The following WDFY2 variants were observed in gnomAD, a reference collection of about 807,000 sequenced individuals.
The protein encoded by WDFY2 is WD repeat and FYVE domain-containing protein 2.
Under a neutral mutation model 56.4 loss-of-function variants are expected in WDFY2, and 36 were observed. The ratio of observed to expected loss-of-function variants is 0.64; its 90% CI spans 0.49 to 0.84. WDFY2 has a LOEUF of 0.84. WDFY2 is among the 40% of genes least tolerant of loss of function. WDFY2 has a pLI of 0.00. For missense variants in WDFY2, 444 were observed against 512.2 expected (o/e 0.87, Z 1.29); for synonymous variants, 176 against 183.7 (o/e 0.96, Z 0.34).
chr13:51,602,253 G>C (rs970887098), intron 1 of WDFY2, among the ~76,000 whole-genome samples: 3 of 152,210 alleles, frequency 2.0e-5, no homozygotes, highest in Non-Finnish European at 4.4e-5. Flanking sequence ...TAGTGACATT[G>C]TAGCCATCTT....
intron 6 of WDFY2, among the ~76,000 whole-genome samples, chr13:51,736,644 C>T (rs1176694646): frequency 6.6e-6 from 1 of 152,198 alleles, no homozygotes; most frequent in Non-Finnish European, 1.5e-5. Flanking sequence ...AGGTGCGCGC[C>T]ACCACGCCCA....
At chr13:51,699,234 G>A (rs1002936116) in intron 3 of WDFY2, among the ~76,000 whole-genome samples, 1 of 152,218 alleles carries the variant, frequency 6.6e-6, no homozygotes, top group Non-Finnish European at 1.5e-5. Context: ...GTGGAGCTAT[G>A]ATTAAAATGC....
intron 1 of WDFY2, among the ~76,000 whole-genome samples, chr13:51,627,626 C>A (rs764278829): frequency 6.6e-6 from 1 of 152,056 alleles, no homozygotes; most frequent in Non-Finnish European, 1.5e-5. Context: ...TCAGGTGGTC[C>A]GCCCGCTTTG....
chr13:51,610,361 G>A (rs1004166105), intron 1 of WDFY2, among the ~76,000 whole-genome samples: 13 of 151,300 alleles, frequency 8.6e-5, no homozygotes, highest in South Asian at 2.1e-4. Flanking sequence ...AAAGTTTAAA[G>A]GAATAGTAAT....
chr13:51,605,161 G>A (rs991767257), intron 1 of WDFY2, among the ~76,000 whole-genome samples: 3 of 152,230 alleles, frequency 2.0e-5, no homozygotes, highest in Non-Finnish European at 4.4e-5. Flanking sequence ...AGAGATGGGT[G>A]CTCACTGTGT....
chr13:51,599,005 T>C (rs1366795554), intron 1 of WDFY2, among the ~76,000 whole-genome samples: 1 of 149,894 alleles, frequency 6.7e-6, no homozygotes, highest in Non-Finnish European at 1.5e-5. Context: ...GCCTTCCAGG[T>C]TCAAGCGATT....
intron 4 of WDFY2, among the ~76,000 whole-genome samples, chr13:51,707,052 A>G (rs1952097778): frequency 6.6e-6 from 1 of 152,260 alleles, no homozygotes; most frequent in East Asian, 1.9e-4. Context: ...TAGATAGGAA[A>G]ATATAGTCAT....
Position 51,719,210 on chromosome 13 carries a change from G to C in WDFY2, c.347G>C (p.Arg116Thr), listed in dbSNP as rs770989218. 6 of 1,614,236 alleles carry C rather than the reference G, an allele frequency of 3.7e-6. No individual in the cohort carries two copies. The South Asian group carries it at 5.5e-5, about 15-fold the overall frequency. Residue 116 changes from arginine (R) to threonine (T), a missense_variant, in exon 5 of 12, where the codon AGA becomes ACA. By Grantham distance (71) the Arg-to-Thr change is moderately conservative. Coordinates refer to ENST00000298125, the MANE Select transcript of WDFY2 (RefSeq NM_052950.4). ...PVKNYQAHQS[R>T]VTMILFVLEL... ...TCTTGGTTTTCAGCGCATCAGAGCA[G>C]AGTGACGATGATCCTGTTTGTCCTG...
intron 3 of WDFY2, among the ~76,000 whole-genome samples, chr13:51,700,943 G>A (rs1235238840): frequency 2.0e-5 from 3 of 152,134 alleles, no homozygotes; most frequent in Admixed American, 6.5e-5. Flanking sequence ...CTCCAGCCTG[G>A]GCAACAAGAG....
chr13:51,718,154 T>C (rs543393258), intron 4 of WDFY2, among the ~76,000 whole-genome samples: 1 of 152,316 alleles, frequency 6.6e-6, no homozygotes, highest in African/African-American at 2.4e-5. Flanking sequence ...ACCAGTGTCT[T>C]CTCTGTGACC....
At chr13:51,685,640 G>T (rs532425975) in intron 3 of WDFY2, among the ~76,000 whole-genome samples, 1 of 152,220 alleles carries the variant, frequency 6.6e-6, no homozygotes, top group African/African-American at 2.4e-5. Context: ...TCCTATTCAC[G>T]TTGAGTAGGC....
At chr13:51,652,648 T>A (rs1792098700) in intron 1 of WDFY2, among the ~76,000 whole-genome samples, 1 of 152,224 alleles carries the variant, frequency 6.6e-6, no homozygotes, top group East Asian at 1.9e-4. Context: ...GGATTTTATT[T>A]CTCCTTCACT....
chr13:51,584,559 C>T lies in WDFY2; in HGVS notation c.-129C>T, dbSNP rs1953896541. ...GAGAGAGGCGGCCAGGCTATGCTCG[C>T]CGGTTTCCGGCGTTCCGCTCCGGCC... On this transcript the variant is annotated 5_prime_UTR_variant, in exon 1 of 12. Coordinates refer to ENST00000298125, the MANE Select transcript of WDFY2 (RefSeq NM_052950.4). The T allele has an allele frequency of 7.6e-7, 1 of 1,319,136 alleles. No homozygotes were observed. Among genetic ancestry groups the T allele is most frequent in the Non-Finnish European group, 1.0e-6 (1 of 996,888 alleles). The allele number at this position is 1,319,136 out of a possible 1,614,324, so 81.7% of individuals were successfully genotyped here.
At chr13:51,629,671 A>G (rs1428133749) in intron 1 of WDFY2, among the ~76,000 whole-genome samples, 1 of 152,032 alleles carries the variant, frequency 6.6e-6, no homozygotes, top group African/African-American at 2.4e-5. Context: ...GAATTTAAAA[A>G]CCTCATAAAC....
chr13:51,630,884 T>G (rs569763036), intron 1 of WDFY2, among the ~76,000 whole-genome samples: 2 of 151,768 alleles, frequency 1.3e-5, no homozygotes, highest in African/African-American at 4.8e-5. Context: ...ATTTAAGCGA[T>G]TCTCCTGCCT....
chr13:51,739,673 A>G (rs1308215834), intron 7 of WDFY2, among the ~76,000 whole-genome samples: 1 of 152,162 alleles, frequency 6.6e-6, no homozygotes, highest in Non-Finnish European at 1.5e-5. Flanking sequence ...TCCTTAAAGG[A>G]TAGATTTTAG....
chr13:51,603,210 T>G (rs1459718118), intron 1 of WDFY2, among the ~76,000 whole-genome samples: 1 of 152,226 alleles, frequency 6.6e-6, no homozygotes, highest in Non-Finnish European at 1.5e-5. Flanking sequence ...GCTCTTCTTG[T>G]TTAGACACCA....
chr13:51,649,118 G>T (rs1955317886), intron 1 of WDFY2, among the ~76,000 whole-genome samples: 1 of 152,194 alleles, frequency 6.6e-6, no homozygotes, highest in African/African-American at 2.4e-5. Flanking sequence ...TTGCACTCCA[G>T]CCTGGGCAAC....
At chr13:51,753,603 CT>C (rs1000800052) in intron 8 of WDFY2, among the ~76,000 whole-genome samples, 2 of 151,926 alleles carry the variant, frequency 1.3e-5, no homozygotes, top group South Asian at 2.1e-4. Context: ...GTGTGTAAGA[CT>C]TTTTTTTGAA....
Sources: gnomAD v4.1 joint callset for allele counts (sites outside exome capture counted in the v4.1 genomes callset) on GRCh38, gnomAD v4.1.1 for gene constraint, MANE v1.5 for transcripts, NCBI Gene and HGNC (gene_info 2026-07-23, HGNC 2026-07-21) for gene names.